ZC3H12B: variants seen among roughly 807,000 people sequenced by gnomAD.
ZC3H12B encodes probable ribonuclease ZC3H12B.
Under a neutral mutation model 43.9 loss-of-function variants are expected in ZC3H12B, and 7 were observed. That is an observed-to-expected ratio of 0.16 (90% CI 0.09 to 0.30). The LOEUF is 0.30. Ranked by LOEUF, ZC3H12B falls within the 10% of genes least tolerant of loss-of-function variation. ZC3H12B has a pLI of 1.00. For synonymous variants in ZC3H12B, 222 were observed against 241.7 expected, an observed-to-expected ratio of 0.92 and a Z score of 0.76; for missense variants, 475 against 670.2, an observed-to-expected ratio of 0.71 and a Z score of 3.22.
chrX:65,037,190 G>A, the ZC3H12B span, among the ~76,000 whole-genome samples: 2 of 110,697 alleles, frequency 1.8e-5, no homozygotes, highest in African/African-American at 6.6e-5. Flanking sequence ...GAGACACCAT[G>A]GTCAACAATT....
At chrX:65,310,186 T>C in the ZC3H12B span, among the ~76,000 whole-genome samples, 1 of 111,555 alleles carries the variant, frequency 9.0e-6, no homozygotes, top group Non-Finnish European at 1.9e-5. Flanking sequence ...AGTGTATTCA[T>C]TTAGGAAAAG....
intron 3 of ZC3H12B, among the ~76,000 whole-genome samples, chrX:65,406,549 C>T (rs1280479414): frequency 1.1e-5 from 1 of 88,290 alleles, no homozygotes; most frequent in Non-Finnish European, 2.1e-5. Flanking sequence ...TAGCGTCCCC[C>T]GCCCGATCGG....
chrX:65,218,199 C>T, the ZC3H12B span, among the ~76,000 whole-genome samples: 1 of 112,237 alleles, frequency 8.9e-6, no homozygotes, highest in Non-Finnish European at 1.9e-5. Context: ...AGATAAGAGG[C>T]AGGGCTAACT....
the ZC3H12B span, among the ~76,000 whole-genome samples, chrX:65,194,062 G>A: frequency 9.1e-6 from 1 of 109,356 alleles, no homozygotes; most frequent in African/African-American, 3.3e-5. Context: ...CGAGAGCAGT[G>A]GCACGGGGGT....
chrX:65,426,736 C>A (rs758976203), intron 3 of ZC3H12B, among the ~76,000 whole-genome samples: 2 of 111,939 alleles, frequency 1.8e-5, no homozygotes, highest in Non-Finnish European at 3.8e-5. Flanking sequence ...ACCCAAGAGT[C>A]ATTCAGTAGA....
rs191850611 is a variant in ZC3H12B, at chrX:65,411,813, C to T, written n.407+13109C>T. On this transcript the variant is annotated intron_variant and non_coding_transcript_variant, in intron 3 of 5. Transcript: ENST00000617377. Reference sequence around the variant, plus strand: ...AAGGATAAATGCTTGAGTGGATGGACGCCACATTTTTTATAATGTGATTAT... The same window carrying T: ...AAGGATAAATGCTTGAGTGGATGGATGCCACATTTTTTATAATGTGATTAT... Among the ~76,000 whole-genome samples the T allele has an allele frequency of 1.7e-3, 181 of 109,171 alleles. 2 individuals are homozygous for T. The highest frequency in any genetic ancestry group is 0.013 in the East Asian group (48 of 3,556). 94.8% of individuals were successfully genotyped at this position (109,171 alleles called of 115,157 possible). A position where few individuals can be genotyped will look rare whatever the true frequency, so the allele number is the denominator to read the frequency against.
At chrX:65,379,704 T>G (rs1441490926) in intron 2 of ZC3H12B, among the ~76,000 whole-genome samples, 2 of 111,543 alleles carry the variant, frequency 1.8e-5, no homozygotes, top group African/African-American at 6.5e-5. Flanking sequence ...AGTTGAAAAC[T>G]TTGAAAAAAA....
chrX:65,232,330 T>C, the ZC3H12B span, among the ~76,000 whole-genome samples: 2 of 111,682 alleles, frequency 1.8e-5, no homozygotes, highest in Non-Finnish European at 3.8e-5. Context: ...CATGAAATCT[T>C]AACAATTTAT....
At chrX:65,441,718 G>T (rs964666402) in intron 3 of ZC3H12B, among the ~76,000 whole-genome samples, 1 of 111,462 alleles carries the variant, frequency 9.0e-6, no homozygotes. Context: ...TGCTGGTAAG[G>T]GTCCACAGAC....
chrX:65,338,401 C>G, the ZC3H12B span, among the ~76,000 whole-genome samples: 1 of 111,803 alleles, frequency 8.9e-6, no homozygotes, highest in African/African-American at 3.3e-5. Flanking sequence ...AGTCCTGGAA[C>G]AGATAGATTC....
the ZC3H12B span, among the ~76,000 whole-genome samples, chrX:65,150,837 T>C: frequency 1.8e-5 from 2 of 111,360 alleles, no homozygotes; most frequent in African/African-American, 6.5e-5. Flanking sequence ...ATCACTACTT[T>C]TTCTGTCTTT....
chrX:65,304,883 T>C, the ZC3H12B span, among the ~76,000 whole-genome samples: 1 of 111,471 alleles, frequency 9.0e-6, no homozygotes, highest in Non-Finnish European at 1.9e-5. Flanking sequence ...TTTAAAAATA[T>C]TGTAAAGACA....
chrX:65,449,022 A>AGAAG (rs1301304071), intron 3 of ZC3H12B, among the ~76,000 whole-genome samples: 1 of 103,209 alleles, frequency 9.7e-6, no homozygotes, highest in Non-Finnish European at 2.0e-5. Flanking sequence ...AAGGAAGGAA[A>AGAAG]GAAGGAAAGA....
chrX:65,169,731 A>G, the ZC3H12B span, among the ~76,000 whole-genome samples: 1 of 112,054 alleles, frequency 8.9e-6, no homozygotes, highest in African/African-American at 3.2e-5. Flanking sequence ...TATTGGGTGC[A>G]TATATATTAA....
At chrX:65,484,173 G>A (rs775018622), upstream of ZC3H12B, among the ~76,000 whole-genome samples, 30 of 111,352 alleles carry the variant, frequency 2.7e-4, no homozygotes, top group South Asian at 3.8e-4. Context: ...GACACATAGA[G>A]GGGAACAACA....
chrX:65,227,439 C>T, the ZC3H12B span, among the ~76,000 whole-genome samples: 9 of 110,839 alleles, frequency 8.1e-5, no homozygotes, highest in Admixed American at 3.8e-4. Flanking sequence ...AGGAAAGATC[C>T]AAAATTGACA....
chrX:65,073,579 A>G, the ZC3H12B span, among the ~76,000 whole-genome samples: 3 of 111,995 alleles, frequency 2.7e-5, no homozygotes, highest in Non-Finnish European at 5.6e-5. Flanking sequence ...AAAGTTTCCT[A>G]TGGAAGCAAG....
At chrX:65,453,882 A>T (rs962386645) in intron 3 of ZC3H12B, among the ~76,000 whole-genome samples, 40 of 112,226 alleles carry the variant, frequency 3.6e-4, no homozygotes, top group African/African-American at 1.3e-3. Context: ...GCAAAGGCAT[A>T]AGAATTATAC....
chrX:65,328,029 A>T, the ZC3H12B span: 1 of 261,525 alleles, frequency 3.8e-6, no homozygotes, highest in Non-Finnish European at 7.6e-6. Context: ...GCCACTTGAT[A>T]ATTGCTGGTA....
Sources: allele counts gnomAD v4.1 joint callset (sites outside exome capture counted in the v4.1 genomes callset), GRCh38; gene constraint gnomAD v4.1.1; transcripts MANE v1.5; gene names NCBI Gene and HGNC (gene_info 2026-07-23, HGNC 2026-07-21).